The following RPRD1A variants were observed in gnomAD, a reference collection of about 807,000 sequenced individuals.
RPRD1A encodes the protein regulation of nuclear pre-mRNA domain-containing protein 1A.
In RPRD1A, 9 loss-of-function variants were observed where a neutral mutation model predicts 37.8. That is an observed-to-expected ratio of 0.24 (90% CI 0.14 to 0.42). RPRD1A has a LOEUF of 0.42. RPRD1A is among the 10% of genes least tolerant of loss of function. The pLI is 1.00. For missense variants in RPRD1A, 255 were observed against 371.0 expected, an observed-to-expected ratio of 0.69 and a Z score of 2.57; for synonymous variants, 138 against 139.7, an observed-to-expected ratio of 0.99 and a Z score of 0.08.
rs571208214 is a variant in RPRD1A at position 36,007,363 on chromosome 18, GGATA to G, written c.790-14067_790-14064del. Among the ~76,000 whole-genome samples, 131 of 152,254 alleles carry G rather than the reference GGATA, an allele frequency of 8.6e-4. 1 individual carries two copies. The highest frequency in any genetic ancestry group is 2.7e-3 in the African/African-American group (112 of 41,548). On this transcript the variant is annotated intron_variant, in intron 6 of 6. Transcript: ENST00000399022. ...GGATGATACTTGTGACAAGAAACAA[GGATA>G]GATATCAGACATGCTAAGTGGCAAA...
chr18:36,029,675 A>AATACC (rs1400800048), intron 4 of RPRD1A, among the ~76,000 whole-genome samples: 2 of 152,108 alleles, frequency 1.3e-5, no homozygotes, highest in African/African-American at 4.8e-5. Context: ...ATGGTTAAGG[A>AATACC]ATACCATACC....
chr18:36,061,542 A>G (rs1371979812), intron 1 of RPRD1A, among the ~76,000 whole-genome samples: 2 of 152,200 alleles, frequency 1.3e-5, no homozygotes, highest in East Asian at 3.8e-4. Flanking sequence ...CCCAAATGTT[A>G]GTGTTGGTTT....
chr18:36,019,996 C>T (rs971012358), intron 6 of RPRD1A, among the ~76,000 whole-genome samples: 3 of 152,182 alleles, frequency 2.0e-5, no homozygotes, highest in Non-Finnish European at 4.4e-5. Flanking sequence ...GCTGAGATCA[C>T]GCCACTGCAG....
intron 1 of RPRD1A, among the ~76,000 whole-genome samples, chr18:36,043,658 G>A (rs1476995282): frequency 1.3e-5 from 2 of 152,122 alleles, no homozygotes; most frequent in Admixed American, 6.5e-5. Context: ...TACACTTCTA[G>A]AATGAAATTG....
intron 1 of RPRD1A, 53 bp downstream of exon 1, chr18:36,067,201 G>A: frequency 6.6e-7 from 1 of 1,508,434 alleles, no homozygotes; most frequent in East Asian, 2.5e-5. Context: ...TCCCGGGGGC[G>A]CCTGGAGGCC....
chr18:35,994,401 T>C (rs541124501), intron 6 of RPRD1A, among the ~76,000 whole-genome samples: 46 of 152,292 alleles, frequency 3.0e-4, no homozygotes, highest in African/African-American at 1.1e-3. Flanking sequence ...GTAGTAAGGA[T>C]AGAGCAATGT....
intron 6 of RPRD1A, among the ~76,000 whole-genome samples, chr18:35,994,184 T>C (rs576901766): frequency 1.3e-5 from 2 of 152,302 alleles, no homozygotes; most frequent in East Asian, 1.9e-4. Flanking sequence ...AAAATAGATA[T>C]GTCCATGGCA....
intron 6 of RPRD1A, among the ~76,000 whole-genome samples, chr18:36,021,932 T>G (rs1378757279): frequency 6.6e-6 from 1 of 151,636 alleles, no homozygotes; most frequent in South Asian, 2.1e-4. Flanking sequence ...GCCCAGGAGG[T>G]TGAAGTTGCA....
In RPRD1A at chr18:36,057,364, T is replaced by C. The variant is rs182327120; in HGVS notation, c.151+9890A>G. Among the ~76,000 whole-genome samples, 9 of 152,202 alleles carry C rather than the reference T, an allele frequency of 5.9e-5. No individual in the cohort carries two copies. The East Asian group carries it at 1.5e-3, about 26-fold the overall frequency. Reference sequence around the variant, plus strand: ...GGCTCATGCCTGTAATCCCAGCACTTTGGGAGGCCAAAACGGGAGGATCAC... The same window carrying C: ...GGCTCATGCCTGTAATCCCAGCACTCTGGGAGGCCAAAACGGGAGGATCAC... On this transcript the variant is annotated intron_variant, in intron 1 of 6. Coordinates refer to ENST00000399022, the MANE Select transcript of RPRD1A (RefSeq NM_018170.5).
At position 35,990,831 on chromosome 18, in the gene RPRD1A, A is replaced by C. The variant is rs2144121769; in HGVS notation, c.*2320T>G. The C allele has an allele frequency of 6.6e-6, 1 of 152,326 alleles. No homozygotes were observed. Among genetic ancestry groups the C allele is most frequent in the South Asian group, 2.1e-4 (1 of 4,828 alleles). 9.4% of individuals were successfully genotyped at this position (152,326 alleles called of 1,614,324 possible). On this transcript the variant is annotated 3_prime_UTR_variant, in exon 7 of 7. Coordinates refer to ENST00000399022, the MANE Select transcript of RPRD1A (RefSeq NM_018170.5). ...GGAAGAATGTTTGCTGCTAAGGCTT[A>C]CCATGTTAATTATCACACGGCTGAA...
chr18:36,006,362 T>C (rs2144180849), intron 6 of RPRD1A, among the ~76,000 whole-genome samples: 1 of 152,262 alleles, frequency 6.6e-6, no homozygotes, highest in South Asian at 2.1e-4. Context: ...AAAAATATTA[T>C]GTAGAGACAG....
intron 1 of RPRD1A, among the ~76,000 whole-genome samples, chr18:36,035,751 T>C (rs1912143822): frequency 6.6e-6 from 1 of 152,356 alleles, no homozygotes; most frequent in South Asian, 2.1e-4. Flanking sequence ...TAAAGTATTA[T>C]TCAGCCTTAT....
Position 36,067,428 on chromosome 18 carries a change from G to T in RPRD1A, c.-24C>A. The T allele has an allele frequency of 6.3e-7, 1 of 1,596,248 alleles. No homozygotes were observed. Among genetic ancestry groups the T allele is most frequent in the Non-Finnish European group, 8.5e-7 (1 of 1,171,128 alleles). ...ATCCCTCCGACACCACGTTCACGCC[G>T]TCCCACGCGGTGGGGCCGAGGGGAG... On this transcript the variant is annotated 5_prime_UTR_variant, in exon 1 of 7. Transcript: ENST00000399022.
chr18:36,027,784 C>A (rs1462569916), intron 4 of RPRD1A: 1 of 152,566 alleles, frequency 6.6e-6, no homozygotes, highest in Non-Finnish European at 1.5e-5. Flanking sequence ...AGAAGAGTCT[C>A]CCAGATTTCA....
intron 1 of RPRD1A, among the ~76,000 whole-genome samples, chr18:36,044,823 A>T (rs973983658): frequency 3.3e-5 from 5 of 152,114 alleles, no homozygotes; most frequent in Non-Finnish European, 7.3e-5. Context: ...TAAAAACTGC[A>T]ATTGTATCCA....
At chr18:36,046,431 G>T (rs149609140) in intron 1 of RPRD1A, among the ~76,000 whole-genome samples, 2 of 152,080 alleles carry the variant, frequency 1.3e-5, no homozygotes, top group Non-Finnish European at 2.9e-5. Context: ...GGTGTCAGTG[G>T]AGACCTACTG....
intron 1 of RPRD1A, among the ~76,000 whole-genome samples, chr18:36,058,947 G>A (rs28651028): frequency 0.27 from 41,624 of 151,954 alleles, 6,165 homozygotes; most frequent in African/African-American, 0.4. Context: ...TAAAGATCTG[G>A]AAAAATGTAA....
intron 6 of RPRD1A, among the ~76,000 whole-genome samples, chr18:35,998,889 GACTTGCCTTGTGTGC>G (rs1442830944): frequency 6.6e-6 from 1 of 152,182 alleles, no homozygotes; most frequent in Non-Finnish European, 1.5e-5. Context: ...TAGGAGGTGT[GACTTGCCTTGTGTGC>G]ACTGCAAGTG....
At chr18:36,046,966 A>G (rs1913004059) in intron 1 of RPRD1A, among the ~76,000 whole-genome samples, 1 of 152,104 alleles carries the variant, frequency 6.6e-6, no homozygotes, top group Non-Finnish European at 1.5e-5. Context: ...AACAGATCCC[A>G]ACACAAAGTA....
Sources: gnomAD v4.1 joint callset for allele counts (sites outside exome capture counted in the v4.1 genomes callset) on GRCh38, gnomAD v4.1.1 for gene constraint, MANE v1.5 for transcripts, NCBI Gene and HGNC (gene_info 2026-07-23, HGNC 2026-07-21) for gene names.